The following ATP6V0D1 variants were observed in gnomAD, a reference collection of about 807,000 sequenced individuals.
ATP6V0D1 encodes V-type proton ATPase subunit d 1.
In ATP6V0D1, 13 loss-of-function variants were observed where a neutral mutation model predicts 39.0. The ratio of observed to expected loss-of-function variants is 0.33; its 90% confidence interval spans 0.22 to 0.53. The LOEUF (loss-of-function observed/expected upper bound fraction) is 0.53, where lower values mean the gene tolerates loss of function less well. Among genes scored for constraint, ATP6V0D1 ranks in the 20% least tolerant of loss-of-function variants. The probability of loss-of-function intolerance (pLI) is 0.94; values close to 1 mark genes in which losing one functional copy is unlikely to be tolerated. For missense variants in ATP6V0D1, 272 were observed against 470.9 expected (o/e 0.58, Z 3.91); for synonymous variants, 191 against 191.2 (o/e 1.00, Z 0.01).
At chr16:67,460,287 C>T (rs2041278878) in intron 1 of ATP6V0D1, among the ~76,000 whole-genome samples, 1 of 152,190 alleles carries the variant, frequency 6.6e-6, no homozygotes, top group Non-Finnish European at 1.5e-5. Context: ...CCAATGTGGA[C>T]AGATGGCCAG....
intron 1 of ATP6V0D1, among the ~76,000 whole-genome samples, chr16:67,475,476 C>G (rs112620317): frequency 2.4e-4 from 37 of 152,282 alleles, no homozygotes; most frequent in Admixed American, 3.9e-4. Context: ...AAACATGGGC[C>G]CTTCACCCAT....
At chr16:67,477,476 A>G (rs1052744466) in intron 1 of ATP6V0D1, among the ~76,000 whole-genome samples, 18 of 152,200 alleles carry the variant, frequency 1.2e-4, no homozygotes, top group Non-Finnish European at 2.2e-4. Context: ...AATATTTACA[A>G]CTGAAAGGGT....
chr16:67,480,913 G>A (rs1295444031), intron 1 of ATP6V0D1, 44 bp downstream of exon 1: 2 of 1,609,206 alleles, frequency 1.2e-6, no homozygotes, highest in Non-Finnish European at 8.5e-7. Flanking sequence ...GAACCCTCAG[G>A]CCCCGGACAG....
At chr16:67,467,316 C>T (rs1238865969) in intron 1 of ATP6V0D1, among the ~76,000 whole-genome samples, 1 of 152,138 alleles carries the variant, frequency 6.6e-6, no homozygotes, top group African/African-American at 2.4e-5. Context: ...ACCATCCTGG[C>T]CAACATCGTG....
At chr16:67,466,273 G>A (rs2041328458) in intron 1 of ATP6V0D1, among the ~76,000 whole-genome samples, 1 of 148,894 alleles carries the variant, frequency 6.7e-6, no homozygotes, top group Non-Finnish European at 1.5e-5. Context: ...CTGCGGTCGA[G>A]GGCTCGAGAC....
In ATP6V0D1 at chr16:67,475,819, A is replaced by G. The variant is rs142086640; in HGVS notation, c.130+5138T>C. Among the ~76,000 whole-genome samples the G allele has an allele frequency of 2.7e-3, 412 of 152,362 alleles. 2 individuals are homozygous for G. The highest frequency in any genetic ancestry group is 5.0e-3 in the Non-Finnish European group (340 of 68,038). On this transcript the variant is annotated intron_variant, in intron 1 of 7. Coordinates refer to ENST00000290949, the MANE Select transcript of ATP6V0D1 (RefSeq NM_004691.5). ...CCAATACAGTATCAATGAGAACCCC[A>G]TATGACTCAGATTATGGTCTCTAAA...
chr16:67,477,591 G>A (rs1199321802), intron 1 of ATP6V0D1, among the ~76,000 whole-genome samples: 1 of 151,972 alleles, frequency 6.6e-6, no homozygotes, highest in Non-Finnish European at 1.5e-5. Context: ...ATTTATGATT[G>A]TTGTAGTTAG....
At chr16:67,477,735 C>T (rs1597586102) in intron 1 of ATP6V0D1, among the ~76,000 whole-genome samples, 1 of 151,882 alleles carries the variant, frequency 6.6e-6, no homozygotes, top group East Asian at 1.9e-4. Flanking sequence ...CACAGTGGCT[C>T]GATCTCGGCT....
Position 67,439,167 on chromosome 16 carries a change from G to T in ATP6V0D1, c.640-20C>A. The T allele has an allele frequency of 6.2e-7, 1 of 1,613,786 alleles. No homozygotes were observed. Among genetic ancestry groups the T allele is most frequent in the Admixed American group, 1.7e-5 (1 of 60,028 alleles). ...TTCAAACTGTGGAGCCAGTGCACAG[G>T]TAAGAAGAGAGGGAGGAAGAAGGAG... On this transcript the variant is annotated intron_variant, in intron 5 of 7. Transcript: ENST00000290949.
Position 67,444,400 on chromosome 16 carries a change from A to T in ATP6V0D1, c.481+128T>A. 1.0e-6 allele frequency: 1 copy of T among 954,366 alleles called. No homozygotes were observed. Among genetic ancestry groups the T allele is most frequent in the Non-Finnish European group, 1.5e-6 (1 of 661,030 alleles). The allele number at this position is 954,366 out of a possible 1,614,324, so 59.1% of individuals were successfully genotyped here. ...GGAGGAGGAAGTTGAAGGGAGACAA[A>T]GGTAAGCAGCAGTGGGCAGGTCTCA... is the stretch of plus-strand genomic sequence containing the variant. On this transcript the variant is annotated intron_variant, in intron 3 of 7. Coordinates refer to ENST00000290949, the MANE Select transcript of ATP6V0D1 (RefSeq NM_004691.5). The surrounding 1 kb of genome is among the most constrained non-coding windows in gnomAD (Gnocchi z 4.8).
At chr16:67,443,052 C>G (rs1307371803) in intron 4 of ATP6V0D1, 47 bp downstream of exon 4, 15 of 1,598,590 alleles carry the variant, frequency 9.4e-6, no homozygotes, top group Non-Finnish European at 1.3e-5. Context: ...TTCCCACAGC[C>G]CCACCCACCG....
intron 1 of ATP6V0D1, among the ~76,000 whole-genome samples, chr16:67,468,064 T>C (rs977696769): frequency 6.6e-6 from 1 of 152,188 alleles, no homozygotes; most frequent in Admixed American, 6.5e-5. Context: ...GACTCTGCTA[T>C]GTTCAGTGTA....
At chr16:67,442,831 A>AG (rs1215182947) in intron 4 of ATP6V0D1, among the ~76,000 whole-genome samples, 9 of 152,188 alleles carry the variant, frequency 5.9e-5, no homozygotes, top group Non-Finnish European at 1.2e-4. Flanking sequence ...GCGGCTGTCC[A>AG]GGAGCCAGCT....
intron 1 of ATP6V0D1, among the ~76,000 whole-genome samples, chr16:67,466,360 C>T (rs1029754080): frequency 6.7e-6 from 1 of 149,934 alleles, no homozygotes. Flanking sequence ...CACACACACA[C>T]ACACACACAC....
chr16:67,477,538 A>T (rs1051797282), intron 1 of ATP6V0D1, among the ~76,000 whole-genome samples: 5 of 152,186 alleles, frequency 3.3e-5, no homozygotes, highest in African/African-American at 1.2e-4. Flanking sequence ...GTATAAATGG[A>T]ACTAGTATTG....
chr16:67,475,024 T>C (rs1403835856), intron 1 of ATP6V0D1, among the ~76,000 whole-genome samples: 1 of 152,212 alleles, frequency 6.6e-6, no homozygotes, highest in Non-Finnish European at 1.5e-5. Flanking sequence ...CAAGCTGCCT[T>C]CACCGCCAGC....
intron 1 of ATP6V0D1, among the ~76,000 whole-genome samples, chr16:67,467,894 G>T (rs1380662271): frequency 6.6e-6 from 1 of 152,202 alleles, no homozygotes; most frequent in Non-Finnish European, 1.5e-5. Flanking sequence ...TTGGGAAGGG[G>T]ACCCTGGTGC....
intron 2 of ATP6V0D1, among the ~76,000 whole-genome samples, chr16:67,450,411 C>T (rs1294316801): frequency 2.0e-5 from 3 of 152,216 alleles, no homozygotes; most frequent in Non-Finnish European, 4.4e-5. Context: ...TGGAAGGCTT[C>T]ACCCCTTCCT....
chr16:67,443,284 G>A, intron 3 of ATP6V0D1, 106 bp from the exon 4 acceptor site: 1 of 1,195,992 alleles, frequency 8.4e-7, no homozygotes, highest in Non-Finnish European at 1.2e-6. Context: ...AGGCCCACAG[G>A]GCTGGGTATT....
Sources: gnomAD v4.1 joint callset for allele counts (sites outside exome capture counted in the v4.1 genomes callset) on GRCh38, gnomAD v4.1.1 for gene constraint, Gnocchi (gnomAD v3.1) non-coding constraint, MANE v1.5 for transcripts, NCBI Gene and HGNC (gene_info 2026-07-23, HGNC 2026-07-21) for gene names.